IWS1: variants seen among roughly 807,000 people sequenced by gnomAD.
IWS1 encodes interacts with SUPT6H, CTD assembly factor 1.
In IWS1, 27 loss-of-function variants were observed where a neutral mutation model predicts 86.7. That is an observed-to-expected ratio of 0.31 (90% CI 0.23 to 0.43). The LOEUF (loss-of-function observed/expected upper bound fraction) is 0.43, where lower values mean the gene tolerates loss of function less well. Among genes scored for constraint, IWS1 ranks in the 20% least tolerant of loss-of-function variants. IWS1 has a pLI of 1.00. For missense variants in IWS1, 827 were observed against 1,000.8 expected (o/e 0.83, Z 2.34); for synonymous variants, 313 against 335.1 (o/e 0.93, Z 0.72).
At position 127,494,937 on chromosome 2, in the gene IWS1, G is replaced by T; in HGVS notation, c.1734C>A (p.Asn578Lys). The change falls in exon 8 of 14, where the codon AAC (asparagine) becomes AAA (lysine). Residue 578 changes from asparagine (N) to lysine (K), a missense_variant. Coordinates refer to ENST00000295321, the MANE Select transcript of IWS1 (RefSeq NM_017969.3). Reference sequence around the variant, plus strand: ...TTTTCAGTGCTGGCTTTTTTTGATTGTTCAACTGTCTGTCTTCCTATTCAG... The same window carrying T: ...TTTTCAGTGCTGGCTTTTTTTGATTTTTCAACTGTCTGTCTTCCTATTCAG... Reference protein sequence around the residue: ...NEAAEEDRQLNNQKKPALKKL... With the variant: ...NEAAEEDRQLKNQKKPALKKL... The T allele has an allele frequency of 6.3e-7, 1 of 1,595,744 alleles. No individual in the cohort carries two copies. Among genetic ancestry groups the T allele is most frequent in the Non-Finnish European group, 8.5e-7 (1 of 1,169,770 alleles).
Position 127,499,571 on chromosome 2 carries a change from A to AATT in IWS1, c.1468-1335_1468-1334insAAT, listed in dbSNP as rs1477731312. ...GGTAAGTATACCTTATTCTTACAAT[A>AATT]TGGTGCTTAACTAAGTATGAGCTCC... On this transcript the variant is annotated intron_variant, in intron 5 of 13. Coordinates refer to ENST00000295321, the MANE Select transcript of IWS1 (RefSeq NM_017969.3). This position sits in a 1 kb window ranked among gnomAD's most constrained non-coding sequence, Gnocchi z 4.0. 6.6e-6 allele frequency among the ~76,000 whole-genome samples: 1 copy of AATT among 152,178 alleles called. No homozygotes were observed. Among genetic ancestry groups the AATT allele is most frequent in the Non-Finnish European group, 1.5e-5 (1 of 68,034 alleles).
At chr2:127,520,125 A>C (rs1692012804) in intron 2 of IWS1, among the ~76,000 whole-genome samples, 1 of 152,168 alleles carries the variant, frequency 6.6e-6, no homozygotes, top group African/African-American at 2.4e-5. Context: ...GGAAACTAGT[A>C]TCTTTCAGGC....
intron 1 of IWS1, 138 bp downstream of exon 1, chr2:127,526,037 G>T: frequency 1.3e-6 from 1 of 744,786 alleles, no homozygotes. Flanking sequence ...TGGTCAGAGG[G>T]CTCTTGCCCT....
At chr2:127,518,072 C>T (rs1691871687) in intron 2 of IWS1, among the ~76,000 whole-genome samples, 1 of 151,908 alleles carries the variant, frequency 6.6e-6, no homozygotes, top group Non-Finnish European at 1.5e-5. Flanking sequence ...GAGGGGTAGG[C>T]AAAGGGAAGA....
intron 5 of IWS1, among the ~76,000 whole-genome samples, chr2:127,502,089 T>C (rs1258832949): frequency 6.6e-6 from 1 of 152,228 alleles, no homozygotes; most frequent in Admixed American, 6.5e-5. Context: ...TAAGTACATA[T>C]GAAAAACTTA....
intron 1 of IWS1, among the ~76,000 whole-genome samples, chr2:127,525,462 A>G (rs1692349625): frequency 6.6e-6 from 1 of 152,182 alleles, no homozygotes; most frequent in Non-Finnish European, 1.5e-5. Context: ...GTATTTAAGA[A>G]CTTTTGTAAC....
intron 10 of IWS1, among the ~76,000 whole-genome samples, chr2:127,490,293 C>T (rs937967410): frequency 2.6e-5 from 4 of 152,228 alleles, no homozygotes; most frequent in East Asian, 1.9e-4. Flanking sequence ...TCTAAGTTTA[C>T]GCTACTGGAA....
chr2:127,513,305 T>C (rs557705372), intron 2 of IWS1, among the ~76,000 whole-genome samples: 60 of 152,140 alleles, frequency 3.9e-4, no homozygotes, highest in African/African-American at 1.4e-3. Context: ...AATAACACAG[T>C]TGGGGACAGA....
At chr2:127,507,997 A>T (rs1053882751) in intron 2 of IWS1, among the ~76,000 whole-genome samples, 2 of 152,244 alleles carry the variant, frequency 1.3e-5, no homozygotes, top group African/African-American at 4.8e-5. Flanking sequence ...CTCACTCTGT[A>T]TAAGTAAATA....
At chr2:127,510,299 G>C (rs1380021935) in intron 2 of IWS1, among the ~76,000 whole-genome samples, 1 of 152,084 alleles carries the variant, frequency 6.6e-6, no homozygotes, top group Non-Finnish European at 1.5e-5. Flanking sequence ...ATCCAATGTA[G>C]TTCCTGGAGT....
rs1691054807 is a variant in IWS1 at position 127,505,120 on chromosome 2, A to G, written c.783T>C (p.Ser261=). 3 of 1,610,632 alleles carry G rather than the reference A, an allele frequency of 1.9e-6. No individual in the cohort carries two copies. The South Asian group carries it at 3.3e-5, about 18-fold the overall frequency. ...TGGGAAGCTCTTCATTTTCTGAGTC[A>G]CTGGCCTGGTGCCTCGGAGGGTCCT... The part of the protein sequence containing the change: ...ESEDPPRHQA[S]DSENEELPKP... Residue 261 remains serine (S), a synonymous_variant, in exon 3 of 14, where the codon AGT becomes AGC. Transcript: ENST00000295321. This position sits in a 1 kb window ranked among gnomAD's most constrained non-coding sequence, Gnocchi z 5.0.
chr2:127,501,100 T>C (rs950942605), intron 5 of IWS1, among the ~76,000 whole-genome samples: 2 of 152,204 alleles, frequency 1.3e-5, no homozygotes, highest in African/African-American at 4.8e-5. Context: ...CTTTTGTTGC[T>C]CTTTTCTCCC....
chr2:127,513,021 A>T lies in IWS1; in HGVS notation c.151-7269T>A, dbSNP rs139936396. Among the ~76,000 whole-genome samples, 890 of 152,340 alleles carry T rather than the reference A, an allele frequency of 5.8e-3. 9 individuals are homozygous for T. The highest frequency in any genetic ancestry group is 0.02 in the African/African-American group (822 of 41,582). ...TTTGGGAGCGCAAGGTGGGTGGATC[A>T]CCTGAGGTCAGGAGTTCAAGACCAG... On this transcript the variant is annotated intron_variant, in intron 2 of 13. Transcript: ENST00000295321.
rs1690599899 is a variant in IWS1, at chr2:127,497,940, A to G, written c.1565+200T>C. Among the ~76,000 whole-genome samples the G allele has an allele frequency of 3.3e-5, 5 of 152,220 alleles. No individual in the cohort carries two copies. The South Asian group carries it at 1.0e-3, about 31-fold the overall frequency. On this transcript the variant is annotated intron_variant, in intron 6 of 13. Coordinates refer to ENST00000295321, the MANE Select transcript of IWS1 (RefSeq NM_017969.3). ...CCATATAAATACAACTCCACAAAGT[A>G]AGACATCTGAGCACAGGGTAAATGA...
intron 2 of IWS1, among the ~76,000 whole-genome samples, chr2:127,518,870 C>G (rs1218113343): frequency 6.6e-6 from 1 of 151,992 alleles, no homozygotes; most frequent in East Asian, 1.9e-4. Flanking sequence ...GCACCCGGCC[C>G]AAGACAGGTG....
At chr2:127,497,785 T>C (rs1407216745) in intron 6 of IWS1, among the ~76,000 whole-genome samples, 1 of 152,232 alleles carries the variant, frequency 6.6e-6, no homozygotes, top group Non-Finnish European at 1.5e-5. Flanking sequence ...GGTCAAGTAA[T>C]ATTTTGTAGT....
intron 2 of IWS1, among the ~76,000 whole-genome samples, chr2:127,507,418 T>C (rs1218925078): frequency 6.6e-6 from 1 of 152,144 alleles, no homozygotes; most frequent in Non-Finnish European, 1.5e-5. Flanking sequence ...ATCATACACT[T>C]TTCAAAATTC....
At chr2:127,481,335 A>G (rs1689611361) in intron 13 of IWS1, among the ~76,000 whole-genome samples, 160 bp from the exon 14 acceptor site, 2 of 152,052 alleles carry the variant, frequency 1.3e-5, no homozygotes, top group Non-Finnish European at 2.9e-5. Flanking sequence ...GCAAGTATAG[A>G]TGGTGTTAGA....
chr2:127,500,735 T>C (rs1275897037), intron 5 of IWS1, among the ~76,000 whole-genome samples: 1 of 152,240 alleles, frequency 6.6e-6, no homozygotes, highest in Non-Finnish European at 1.5e-5. Context: ...TTATCAAAAT[T>C]TAAATCTACT....
Sources: allele counts gnomAD v4.1 joint callset (sites outside exome capture counted in the v4.1 genomes callset), GRCh38; gene constraint gnomAD v4.1.1; non-coding constraint Gnocchi (gnomAD v3.1); transcripts MANE v1.5; gene names NCBI Gene and HGNC (gene_info 2026-07-23, HGNC 2026-07-21).